Variants in GLRA3 observed in about 807,000 individuals in gnomAD.
GLRA3 encodes glycine receptor subunit alpha-3.
GLRA3 carries 44 observed loss-of-function variants against 60.4 expected under a neutral mutation model. The ratio of observed to expected loss-of-function variants is 0.73; its 90% confidence interval spans 0.57 to 0.94. The LOEUF is 0.94. GLRA3 is among the 40% of genes least tolerant of loss of function. The pLI is 0.00. For missense variants in GLRA3, 508 were observed against 564.6 expected (o/e 0.90, Z 1.02); for synonymous variants, 223 against 192.9 (o/e 1.16, Z -1.29).
At chr4:174,734,121 A>T (rs1736676242) in intron 3 of GLRA3, among the ~76,000 whole-genome samples, 2 of 152,148 alleles carry the variant, frequency 1.3e-5, no homozygotes, top group Non-Finnish European at 2.9e-5. Context: ...TTTCTGTTTT[A>T]AAAAATCCTA....
intron 7 of GLRA3, among the ~76,000 whole-genome samples, chr4:174,673,103 A>T (rs1733973907): frequency 6.6e-6 from 1 of 152,116 alleles, no homozygotes; most frequent in East Asian, 1.9e-4. Flanking sequence ...ATGAAACAGG[A>T]TGAAAAAAAA....
rs553159490 is a variant in GLRA3, at chr4:174,688,318, CATATATATATATATAT to C, written c.575-5395_575-5380del. ...CATAGTACTTATCCTTACCTGACAT[CATATATATATATATAT>C]ATATATATATATATATATATATATA... is the stretch of plus-strand genomic sequence containing the variant. On this transcript the variant is annotated intron_variant, in intron 5 of 9. Coordinates refer to ENST00000274093, the MANE Select transcript of GLRA3 (RefSeq NM_006529.4). Among the ~76,000 whole-genome samples the C allele has an allele frequency of 7.4e-3, 259 of 34,964 alleles. 4 individuals carry two copies. Among genetic ancestry groups the C allele is most frequent in the African/African-American group, 0.022 (183 of 8,196 alleles). The allele number at this position is 34,964 out of a possible 152,430, so 22.9% of individuals were successfully genotyped here.
At chr4:174,785,234 T>C (rs1739076393) in intron 2 of GLRA3, among the ~76,000 whole-genome samples, 1 of 152,112 alleles carries the variant, frequency 6.6e-6, no homozygotes, top group Non-Finnish European at 1.5e-5. Flanking sequence ...AAAAATCTAC[T>C]TCTAAATTTT....
chr4:174,690,254 C>T (rs1734743164), intron 5 of GLRA3, among the ~76,000 whole-genome samples: 1 of 152,140 alleles, frequency 6.6e-6, no homozygotes, highest in Admixed American at 6.5e-5. Context: ...CTTTACCATG[C>T]ATAGACTTTT....
chr4:174,721,561 T>C (rs1736129922), intron 4 of GLRA3, among the ~76,000 whole-genome samples: 1 of 151,802 alleles, frequency 6.6e-6, no homozygotes, highest in Non-Finnish European at 1.5e-5. Context: ...CTAAAAACTA[T>C]CTGGAGCTCA....
chr4:174,664,100 G>A (rs1733566432), intron 7 of GLRA3, among the ~76,000 whole-genome samples: 1 of 152,138 alleles, frequency 6.6e-6, no homozygotes, highest in South Asian at 2.1e-4. Context: ...TCTGTGACCT[G>A]TGTTTTCTGG....
chr4:174,640,503 G>A lies in GLRA3; in HGVS notation c.*3283C>T, dbSNP rs931349726. 1.1e-4 allele frequency: 17 copies of A among 151,942 alleles called. No individual in the cohort carries two copies. The highest frequency in any genetic ancestry group is 4.1e-4 in the African/African-American group (17 of 41,452). 9.4% of individuals were successfully genotyped at this position (151,942 alleles called of 1,614,324 possible). ...AATAGAAAAGCATATTTTAAAAAGT[G>A]GAATAAAAAATGTTCAGAAAAAGGG... is the stretch of plus-strand genomic sequence containing the variant. On this transcript the variant is annotated 3_prime_UTR_variant, in exon 10 of 10. Transcript: ENST00000274093.
intron 4 of GLRA3, among the ~76,000 whole-genome samples, chr4:174,727,591 A>G (rs377137461): frequency 2.6e-4 from 39 of 152,190 alleles, no homozygotes; most frequent in African/African-American, 7.7e-4. Flanking sequence ...AAAAACAATT[A>G]TGGAAAATTT....
At chr4:174,748,229 T>TA (rs1737326404) in intron 3 of GLRA3, among the ~76,000 whole-genome samples, 1 of 152,132 alleles carries the variant, frequency 6.6e-6, no homozygotes, top group Non-Finnish European at 1.5e-5. Context: ...AAAGCCAAAG[T>TA]AAGACAGTTT....
At chr4:174,734,446 A>C (rs1250383047) in intron 3 of GLRA3, among the ~76,000 whole-genome samples, 1 of 152,166 alleles carries the variant, frequency 6.6e-6, no homozygotes, top group Non-Finnish European at 1.5e-5. Context: ...GCCCATTGGG[A>C]AAGTGCCTTT....
chr4:174,692,437 T>C (rs977891408), intron 5 of GLRA3, among the ~76,000 whole-genome samples: 4 of 150,474 alleles, frequency 2.7e-5, no homozygotes, highest in Non-Finnish European at 5.9e-5. Context: ...ATCTGGGAGG[T>C]GTACCCAACA....
rs1294037595 is a variant in GLRA3, at chr4:174,824,780, G to T, written c.71+3961C>A. 3.9e-5 allele frequency among the ~76,000 whole-genome samples: 6 copies of T among 152,150 alleles called. No homozygotes were observed. The East Asian group carries it at 1.2e-3, about 29-fold the overall frequency. Reference sequence around the variant, plus strand: ...GCTTCCTTATATTCCCTAAAATATTGCTATCTGTACTTTTTTCTTTTGATG... The same window carrying T: ...GCTTCCTTATATTCCCTAAAATATTTCTATCTGTACTTTTTTCTTTTGATG... On this transcript the variant is annotated intron_variant, in intron 1 of 9. Coordinates refer to ENST00000274093, the MANE Select transcript of GLRA3 (RefSeq NM_006529.4).
chr4:174,720,968 A>G (rs1009479244), intron 4 of GLRA3, among the ~76,000 whole-genome samples: 2 of 151,880 alleles, frequency 1.3e-5, no homozygotes, highest in African/African-American at 4.8e-5. Flanking sequence ...GGGCAAAAGT[A>G]CAACTGTTTT....
chr4:174,813,523 C>T (rs900425694), intron 1 of GLRA3, among the ~76,000 whole-genome samples: 13 of 152,270 alleles, frequency 8.5e-5, no homozygotes, highest in South Asian at 8.3e-4. Context: ...TGTGTTGCCT[C>T]GTAACCAGTT....
chr4:174,805,389 C>A (rs953149223), intron 1 of GLRA3, among the ~76,000 whole-genome samples: 1 of 152,036 alleles, frequency 6.6e-6, no homozygotes, highest in Non-Finnish European at 1.5e-5. Flanking sequence ...CCATCTTGCA[C>A]TCTTTTGGAT....
In GLRA3 at chr4:174,808,261, C is replaced by T. The variant is rs181710670; in HGVS notation, c.72-19318G>A. 1.9e-4 allele frequency among the ~76,000 whole-genome samples: 29 copies of T among 152,174 alleles called. No homozygotes were observed. The Middle Eastern group carries it at 0.01, about 54-fold the overall frequency. ...GGATATACAGTCATGCACCACGTAA[C>T]GACATTTTGGCCAATGTCAGACTGC... On this transcript the variant is annotated intron_variant, in intron 1 of 9. Coordinates refer to ENST00000274093, the MANE Select transcript of GLRA3 (RefSeq NM_006529.4).
intron 3 of GLRA3, among the ~76,000 whole-genome samples, chr4:174,760,362 A>T (rs1348162429): frequency 6.6e-6 from 1 of 152,206 alleles, no homozygotes; most frequent in Non-Finnish European, 1.5e-5. Flanking sequence ...TAAAATTGCT[A>T]ATAGGTGCTT....
intron 1 of GLRA3, among the ~76,000 whole-genome samples, chr4:174,792,799 A>G (rs902599072): frequency 2.6e-5 from 4 of 152,192 alleles, no homozygotes; most frequent in Admixed American, 1.3e-4. Flanking sequence ...GGGGTCTTCC[A>G]GAAAACCTGC....
intron 3 of GLRA3, among the ~76,000 whole-genome samples, chr4:174,762,171 T>C (rs1357452063): frequency 6.6e-6 from 1 of 152,076 alleles, no homozygotes; most frequent in Non-Finnish European, 1.5e-5. Context: ...GGGTGGTTGT[T>C]TTCTCTCTTT....
Sources: allele counts gnomAD v4.1 joint callset (sites outside exome capture counted in the v4.1 genomes callset), GRCh38; gene constraint gnomAD v4.1.1; transcripts MANE v1.5; gene names NCBI Gene and HGNC (gene_info 2026-07-23, HGNC 2026-07-21).